GRAMD4: variants seen among roughly 807,000 people sequenced by gnomAD.
GRAMD4 encodes GRAM domain containing 4, also known as GRAM domain-containing protein 4.
A neutral mutation model predicts 83.9 loss-of-function variants in GRAMD4; 25 were observed. The ratio of observed to expected loss-of-function variants is 0.30; its 90% CI spans 0.22 to 0.42. The LOEUF (loss-of-function observed/expected upper bound fraction) is 0.42, where lower values mean the gene tolerates loss of function less well. Among genes scored for constraint, GRAMD4 ranks in the 10% least tolerant of loss-of-function variants. GRAMD4 has a pLI of 1.00. For synonymous variants in GRAMD4, 336 were observed against 320.9 expected, an observed-to-expected ratio of 1.05 and a Z score of -0.50; for missense variants, 593 against 788.7, an observed-to-expected ratio of 0.75 and a Z score of 2.97.
rs71311625 is a variant in GRAMD4 at position 46,635,545 on chromosome 22, A to G, written c.163-2295A>G. 5.3e-3 allele frequency among the ~76,000 whole-genome samples: 26 copies of G among 4,922 alleles called. 1 individual carries two copies. The highest frequency in any genetic ancestry group is 7.2e-3 in the Non-Finnish European group (18 of 2,488). 3.2% of individuals were successfully genotyped at this position (4,922 alleles called of 152,430 possible). On this transcript the variant is annotated intron_variant, in intron 2 of 18. Coordinates refer to ENST00000406902, the MANE Select transcript of GRAMD4 (RefSeq NM_015124.5). ...CGCCCCCGGCCACTCCTGTCCTGGG[A>G]GGCCGTGTCCTCCCTGCCCCCGCCC... is the stretch of plus-strand genomic sequence containing the variant.
At chr22:46,623,430 C>T (rs565039896) in intron 1 of GRAMD4, among the ~76,000 whole-genome samples, 1 of 152,330 alleles carries the variant, frequency 6.6e-6, no homozygotes, top group South Asian at 2.1e-4. Flanking sequence ...CGCTGCCCCC[C>T]AGGCTGCAGT....
At chr22:46,662,683 G>A (rs1196703493) in intron 5 of GRAMD4, among the ~76,000 whole-genome samples, 1 of 152,164 alleles carries the variant, frequency 6.6e-6, no homozygotes, top group African/African-American at 2.4e-5. Context: ...TGATGCAGAC[G>A]TCTGAGGTGG....
intron 1 of GRAMD4, among the ~76,000 whole-genome samples, chr22:46,596,956 G>A (rs1019636283): frequency 6.6e-6 from 1 of 152,194 alleles, no homozygotes; most frequent in Non-Finnish European, 1.5e-5. Flanking sequence ...TGCAGGGCTG[G>A]CTTAGCTGCT....
chr22:46,577,884 G>C lies in GRAMD4; in HGVS notation c.-50+594G>C, dbSNP rs563985639. 5.3e-5 allele frequency among the ~76,000 whole-genome samples: 8 copies of C among 152,338 alleles called. No individual in the cohort carries two copies. The East Asian group carries it at 1.4e-3, about 26-fold the overall frequency. ...GGCTGTAGCCCAGGCCCGTGCGCCT[G>C]CCAGAACGTGGGGTGCAGTGTGGCA... On this transcript the variant is annotated intron_variant, in intron 1 of 1. Transcript: ENST00000431155.
intron 3 of GRAMD4, among the ~76,000 whole-genome samples, chr22:46,645,039 C>T (rs1322848152): frequency 1.3e-5 from 2 of 151,282 alleles, no homozygotes; most frequent in Admixed American, 6.6e-5. Context: ...AGCCACTGTG[C>T]CTAGCCTTGC....
In GRAMD4 at chr22:46,630,830, G is replaced by T. The variant is rs186663715; in HGVS notation, c.162+3869G>T. Among the ~76,000 whole-genome samples, 537 of 152,288 alleles carry T rather than the reference G, an allele frequency of 3.5e-3. 3 individuals are homozygous for T. The highest frequency in any genetic ancestry group is 5.0e-3 in the Non-Finnish European group (337 of 68,012). ...GTGCTGGACCGAGTGTGCCTGTGTG[G>T]TGGTCCTGGCAGCTGTGCGGTGTGC... is the stretch of plus-strand genomic sequence containing the variant. On this transcript the variant is annotated intron_variant, in intron 2 of 18. Transcript: ENST00000406902.
At chr22:46,641,388 TAAATAAGG>T (rs902401449) in intron 3 of GRAMD4, among the ~76,000 whole-genome samples, 7 of 85,186 alleles carry the variant, frequency 8.2e-5, no homozygotes, top group African/African-American at 1.6e-4. Flanking sequence ...TCTAAATAAA[TAAATAAGG>T]AAGGAAGGAA....
At chr22:46,577,368 G>C in intron 1 of GRAMD4, 1 of 841,526 alleles carries the variant, frequency 1.2e-6, no homozygotes, top group Non-Finnish European at 1.4e-6. Flanking sequence ...CTGGCGGCTC[G>C]CGACCCAGCT....
intron 1 of GRAMD4, among the ~76,000 whole-genome samples, chr22:46,592,762 C>T (rs1441415685): frequency 1.3e-5 from 2 of 152,168 alleles, no homozygotes; most frequent in African/African-American, 2.4e-5. Context: ...CCGGCACCTC[C>T]AGGATGTGGC....
intron 1 of GRAMD4, among the ~76,000 whole-genome samples, chr22:46,588,521 T>A (rs1430875197): frequency 6.6e-6 from 1 of 152,200 alleles, no homozygotes; most frequent in East Asian, 1.9e-4. Flanking sequence ...AGCTGTGGCC[T>A]CTGGCCAGCC....
Position 46,668,672 on chromosome 22 carries a change from G to A in GRAMD4, c.931-17G>A, listed in dbSNP as rs926484755. ...AGGAGCGGGGGCTGTTGTAATTGCT[G>A]TTTCTCCTTCACACAGAACCTTTTC... is the stretch of plus-strand genomic sequence containing the variant. On this transcript the variant is annotated splice_polypyrimidine_tract_variant and intron_variant, in intron 11 of 18. Coordinates refer to ENST00000406902, the MANE Select transcript of GRAMD4 (RefSeq NM_015124.5). 1.2e-6 allele frequency: 2 copies of A among 1,611,512 alleles called. No homozygotes were observed. Among genetic ancestry groups the A allele is most frequent in the Non-Finnish European group, 1.7e-6 (2 of 1,178,992 alleles).
At chr22:46,595,699 A>G (rs575348712) in intron 1 of GRAMD4, among the ~76,000 whole-genome samples, 10 of 152,298 alleles carry the variant, frequency 6.6e-5, no homozygotes, top group Admixed American at 6.5e-4. Context: ...AAGTCATCGC[A>G]GGGACCCCTG....
At chr22:46,603,499 G>A (rs1277198143) in intron 1 of GRAMD4, among the ~76,000 whole-genome samples, 5 of 115,016 alleles carry the variant, frequency 4.3e-5, no homozygotes, top group Admixed American at 4.1e-4. Context: ...ATGAGCCACC[G>A]CGCCCGGCCT....
chr22:46,582,269 G>T (rs766913958), intron 1 of GRAMD4, among the ~76,000 whole-genome samples: 2 of 152,146 alleles, frequency 1.3e-5, no homozygotes, highest in Non-Finnish European at 2.9e-5. Context: ...AAGAGACTCT[G>T]CTTGGGACTC....
At chr22:46,633,235 C>T (rs553503983) in intron 2 of GRAMD4, among the ~76,000 whole-genome samples, 3 of 152,380 alleles carry the variant, frequency 2.0e-5, no homozygotes, top group African/African-American at 4.8e-5. Context: ...TCTGCCCGCC[C>T]GTGGGCCTTC....
intron 11 of GRAMD4, 60 bp downstream of exon 11, chr22:46,668,227 G>A: frequency 2.4e-6 from 3 of 1,224,600 alleles, no homozygotes; most frequent in Non-Finnish European, 3.6e-6. Context: ...CCAGCCAGGG[G>A]TGTGTCTACG....
intron 1 of GRAMD4, among the ~76,000 whole-genome samples, chr22:46,597,769 A>T (rs536783873): frequency 2.6e-5 from 4 of 152,186 alleles, no homozygotes; most frequent in Non-Finnish European, 2.9e-5. Flanking sequence ...GATTACAGGC[A>T]TGAGCTACCA....
At chr22:46,628,059 G>C (rs559455846) in intron 2 of GRAMD4, among the ~76,000 whole-genome samples, 1 of 152,354 alleles carries the variant, frequency 6.6e-6, no homozygotes, top group South Asian at 2.1e-4. Flanking sequence ...TCTGGCTGGG[G>C]CTGGCACAGA....
chr22:46,640,249 A>G (rs2081956329), intron 3 of GRAMD4, among the ~76,000 whole-genome samples: 1 of 152,072 alleles, frequency 6.6e-6, no homozygotes, highest in Non-Finnish European at 1.5e-5. Flanking sequence ...TCAGTGTTTC[A>G]CTTTCAGGGA....
Sources: gnomAD v4.1 joint callset for allele counts (sites outside exome capture counted in the v4.1 genomes callset) on GRCh38, gnomAD v4.1.1 for gene constraint, MANE v1.5 for transcripts, NCBI Gene and HGNC (gene_info 2026-07-23, HGNC 2026-07-21) for gene names.